Variants in TNRC6C observed in about 807,000 individuals in gnomAD.
The protein encoded by TNRC6C is trinucleotide repeat containing adaptor 6C.
Under a neutral mutation model 153.7 loss-of-function variants are expected in TNRC6C, and 20 were observed. That is an observed-to-expected ratio of 0.13 (90% CI 0.09 to 0.19). TNRC6C has a LOEUF of 0.19. TNRC6C is among the 10% of genes least tolerant of loss of function. The pLI is 1.00. For synonymous variants in TNRC6C, 811 were observed against 841.4 expected, an observed-to-expected ratio of 0.96 and a Z score of 0.63; for missense variants, 1,987 against 2,172.0, an observed-to-expected ratio of 0.91 and a Z score of 1.69.
At chr17:77,990,711 T>A (rs2071237169) in intron 1 of TNRC6C, among the ~76,000 whole-genome samples, 1 of 152,224 alleles carries the variant, frequency 6.6e-6, no homozygotes, top group East Asian at 1.9e-4. Flanking sequence ...AATTAGGTTT[T>A]AAAAAATTCA....
chr17:78,086,407 T>C, intron 11 of TNRC6C, 96 bp from the exon 14 acceptor site: 4 of 1,088,582 alleles, frequency 3.7e-6, no homozygotes, highest in South Asian at 1.4e-5. Context: ...GGCTAGGTTC[T>C]CTTTTTTTAT....
chr17:78,024,787 TCTAGTATTGATA>T (rs2071904392), intron 1 of TNRC6C, among the ~76,000 whole-genome samples: 1 of 152,012 alleles, frequency 6.6e-6, no homozygotes, highest in African/African-American at 2.4e-5. Context: ...CAACTGATGT[TCTAGTATTGATA>T]CTTTTTTTTT....
chr17:77,983,401 A>G (rs923992241), intron 1 of TNRC6C, among the ~76,000 whole-genome samples: 1 of 152,224 alleles, frequency 6.6e-6, no homozygotes, highest in African/African-American at 2.4e-5. Flanking sequence ...TACCAAGGCA[A>G]AATGGGGTAA....
chr17:78,097,704 C>G, intron 16 of TNRC6C, 41 bp from the exon 19 acceptor site: 2 of 1,428,168 alleles, frequency 1.4e-6, no homozygotes, highest in Non-Finnish European at 1.9e-6. Flanking sequence ...TGAACCCGGA[C>G]ACCGCCACCA....
At chr17:77,961,610 T>C (rs1389229599) in intron 1 of TNRC6C, among the ~76,000 whole-genome samples, 1 of 152,194 alleles carries the variant, frequency 6.6e-6, no homozygotes, top group Non-Finnish European at 1.5e-5. Flanking sequence ...TTTTCGTCCT[T>C]CGTGTTTATT....
intron 3 of TNRC6C, among the ~76,000 whole-genome samples, chr17:78,055,457 G>A (rs1359583217): frequency 1.3e-5 from 2 of 152,132 alleles, no homozygotes; most frequent in Middle Eastern, 3.2e-3. Context: ...TTGTTTACAC[G>A]AGCATCACCA....
At chr17:78,066,056 C>T (rs1434063758) in intron 4 of TNRC6C, among the ~76,000 whole-genome samples, 4 of 152,030 alleles carry the variant, frequency 2.6e-5, no homozygotes, top group East Asian at 3.9e-4. Flanking sequence ...CAAGGTGAAA[C>T]CCCATCTCTA....
At chr17:78,010,805 CAAA>C (rs66652880) in intron 1 of TNRC6C, among the ~76,000 whole-genome samples, 2 of 150,772 alleles carry the variant, frequency 1.3e-5, no homozygotes, top group Non-Finnish European at 3.0e-5. Flanking sequence ...TCCATGGAAA[CAAA>C]AAAAATATTA....
rs565582557 is a variant in TNRC6C at position 77,998,882 on chromosome 17, A to G, written c.-37-5288A>G. On this transcript the variant is annotated intron_variant, in intron 1 of 22. Coordinates refer to the TNRC6C transcript ENST00000636222. The stretch of plus-strand genomic sequence containing the variant: ...GTATGTCATATAGACTTTTAGTACT[A>G]TCAGACTCTTCTAGAAAACACTGGT... 3.9e-5 allele frequency among the ~76,000 whole-genome samples: 6 copies of G among 152,346 alleles called. No individual in the cohort carries two copies. The East Asian group carries it at 1.2e-3, about 29-fold the overall frequency.
chr17:78,063,661 C>CAG (rs147036668), intron 3 of TNRC6C, among the ~76,000 whole-genome samples: 15,383 of 152,164 alleles, frequency 0.1, 845 homozygotes, highest in East Asian at 0.18. Context: ...CCTTCTAAGA[C>CAG]AGATACCTCA....
chr17:78,026,971 C>T (rs777540223), intron 1 of TNRC6C, among the ~76,000 whole-genome samples: 1 of 151,872 alleles, frequency 6.6e-6, no homozygotes, highest in African/African-American at 2.4e-5. Context: ...CTCAGAAGGG[C>T]GAGGCGAGAA....
rs1158235806 is a variant in TNRC6C, at chr17:78,005,144, A to AC, written c.-546+66dup. On this transcript the variant is annotated intron_variant, in intron 1 of 19. Transcript: ENST00000301624. ...TACCAAAATTTTTATGACCAGGATG[A>AC]CTTTTTTTTTTAAATTGATGGTTAA... The AC allele has an allele frequency of 1.2e-5, 13 of 1,120,904 alleles. No individual in the cohort carries two copies. In the East Asian group the frequency reaches 4.2e-4, roughly 36 times the overall value. The allele number at this position is 1,120,904 out of a possible 1,614,324, so 69.4% of individuals were successfully genotyped here. A position where few individuals can be genotyped will look rare whatever the true frequency, so the allele number is the denominator to read the frequency against.
At chr17:78,061,326 G>T (rs147200952) in intron 3 of TNRC6C, among the ~76,000 whole-genome samples, 27 of 152,276 alleles carry the variant, frequency 1.8e-4, no homozygotes, top group African/African-American at 5.8e-4. Context: ...ACACTTAACA[G>T]TGGAGATTAT....
chr17:78,052,937 G>A (rs776468473), intron 3 of TNRC6C, among the ~76,000 whole-genome samples: 1 of 152,086 alleles, frequency 6.6e-6, no homozygotes, highest in Non-Finnish European at 1.5e-5. Context: ...CTGTGAATTG[G>A]CATTTTTTTA....
At chr17:77,999,045 G>T (rs551212061) in intron 1 of TNRC6C, among the ~76,000 whole-genome samples, 3 of 152,220 alleles carry the variant, frequency 2.0e-5, no homozygotes, top group Non-Finnish European at 4.4e-5. Context: ...CTTGGGGCAG[G>T]GGGGTGTTGA....
intron 1 of TNRC6C, among the ~76,000 whole-genome samples, chr17:77,975,784 T>C (rs1223921400): frequency 6.6e-6 from 1 of 152,246 alleles, no homozygotes; most frequent in African/African-American, 2.4e-5. Context: ...CTTTTATCAT[T>C]ACTTTATAAA....
intron 1 of TNRC6C, chr17:78,008,835 A>G (rs2071569915): frequency 6.6e-6 from 1 of 152,198 alleles, no homozygotes; most frequent in African/African-American, 2.4e-5. Flanking sequence ...ATATTTACCC[A>G]TTAACAGTTA....
intron 8 of TNRC6C, among the ~76,000 whole-genome samples, chr17:78,076,147 C>T (rs1454507236): frequency 6.7e-6 from 1 of 150,198 alleles, no homozygotes; most frequent in African/African-American, 2.5e-5. Context: ...ACCCGGGAGG[C>T]GGAGGTTGCA....
intron 1 of TNRC6C, among the ~76,000 whole-genome samples, chr17:78,024,777 C>G (rs2143611000): frequency 6.6e-6 from 1 of 151,864 alleles, no homozygotes; most frequent in South Asian, 2.1e-4. Flanking sequence ...ACATTTGATA[C>G]AACTGATGTT....
Sources: allele counts gnomAD v4.1 joint callset (sites outside exome capture counted in the v4.1 genomes callset), GRCh38; gene constraint gnomAD v4.1.1; transcripts MANE v1.5; gene names NCBI Gene and HGNC (gene_info 2026-07-23, HGNC 2026-07-21).